ZFHX3: variants seen among roughly 807,000 people sequenced by gnomAD.
The protein encoded by ZFHX3 is zinc finger homeobox protein 3.
Under a neutral mutation model 279.1 loss-of-function variants are expected in ZFHX3, and 42 were observed. The observed-to-expected ratio is 0.15, with a 90% CI of 0.12 to 0.19. The LOEUF (loss-of-function observed/expected upper bound fraction) is 0.19, where lower values mean the gene tolerates loss of function less well. ZFHX3 is among the 10% of genes least tolerant of loss of function. ZFHX3 has a pLI of 1.00. For synonymous variants in ZFHX3, 2,293 were observed against 1,957.8 expected (o/e 1.17, Z -4.52); for missense variants, 4,981 against 4,754.0 (o/e 1.05, Z -1.40).
chr16:73,532,901 C>T (rs1597372118), intron 2 of ZFHX3, among the ~76,000 whole-genome samples: 1 of 152,270 alleles, frequency 6.6e-6, no homozygotes, highest in South Asian at 2.1e-4. Context: ...AGCACTCATT[C>T]TCTCTCCTGC....
chr16:73,171,208 G>A (rs534475309), intron 5 of ZFHX3, among the ~76,000 whole-genome samples: 3 of 152,028 alleles, frequency 2.0e-5, no homozygotes, highest in Admixed American at 6.6e-5. Flanking sequence ...AGATAGAGTA[G>A]CCATATAATT....
chr16:72,871,965 G>C (rs1470975028), intron 4 of ZFHX3, among the ~76,000 whole-genome samples: 2 of 151,928 alleles, frequency 1.3e-5, no homozygotes, highest in Non-Finnish European at 2.9e-5. Flanking sequence ...GGCGCCTGTA[G>C]TCCCAGCTAC....
At chr16:72,989,428 G>A (rs1962985427) in intron 1 of ZFHX3, among the ~76,000 whole-genome samples, 1 of 151,524 alleles carries the variant, frequency 6.6e-6, no homozygotes, top group East Asian at 1.9e-4. Context: ...GTTGCAGTGG[G>A]CCAAGATTGT....
rs180846248 is a variant in ZFHX3 at position 73,497,423 on chromosome 16, C to T, written c.-1546-41165G>A. Among the ~76,000 whole-genome samples the T allele has an allele frequency of 3.3e-5, 5 of 152,338 alleles. No homozygotes were observed. In the East Asian group the frequency reaches 5.8e-4, roughly 18 times the overall value. ...GTGGCTCACGCCTGTAATCCCAGCA[C>T]TTTGGGAGGATGAGGCAAGAGGACT... On this transcript the variant is annotated intron_variant, in intron 2 of 17. Transcript: ENST00000641206.
At chr16:73,074,067 T>C (rs1316852130) in intron 8 of ZFHX3, among the ~76,000 whole-genome samples, 1 of 152,214 alleles carries the variant, frequency 6.6e-6, no homozygotes, top group East Asian at 1.9e-4. Context: ...TTTGTCAAAC[T>C]AAACTCCAAG....
intron 2 of ZFHX3, among the ~76,000 whole-genome samples, chr16:73,617,706 A>AT (rs2052318884): frequency 7.4e-6 from 1 of 134,534 alleles, no homozygotes; most frequent in African/African-American, 3.3e-5. Flanking sequence ...CACTGAGGAA[A>AT]CCTTGATAGG....
chr16:73,025,662 CCT>C (rs955780121), intron 1 of ZFHX3, among the ~76,000 whole-genome samples: 18 of 152,116 alleles, frequency 1.2e-4, no homozygotes, highest in South Asian at 8.3e-4. Flanking sequence ...CATCTGGCCC[CCT>C]GACACCCCAG....
At chr16:73,511,231 A>C (rs2019422905) in intron 2 of ZFHX3, among the ~76,000 whole-genome samples, 1 of 152,148 alleles carries the variant, frequency 6.6e-6, no homozygotes, top group Admixed American at 6.5e-5. Context: ...AGTACTATTC[A>C]CTCATAGCAG....
In ZFHX3 at chr16:73,698,336, G is replaced by A. The variant is rs577985652; in HGVS notation, c.-1607-18096C>T. On this transcript the variant is annotated intron_variant, in intron 1 of 17. Coordinates refer to the ZFHX3 transcript ENST00000641206. ...ATTACTTAATGTGGAAGAAATAAGAGAAATAGAAAATTACCATTAGAACAC... is the reference window on the plus strand; with the variant it reads ...ATTACTTAATGTGGAAGAAATAAGAAAAATAGAAAATTACCATTAGAACAC... Among the ~76,000 whole-genome samples the A allele has an allele frequency of 7.8e-4, 119 of 152,232 alleles. 1 individual carries two copies. Among genetic ancestry groups the A allele is most frequent in the African/African-American group, 2.7e-3 (111 of 41,556 alleles).
intron 3 of ZFHX3, among the ~76,000 whole-genome samples, chr16:72,919,809 T>TTTTTTTG (rs2039537477): frequency 8.3e-6 from 1 of 120,420 alleles, no homozygotes; most frequent in Non-Finnish European, 1.7e-5. Flanking sequence ...TTTTTTTTTT[T>TTTTTTTG]GAGACAGAGT....
intron 1 of ZFHX3, among the ~76,000 whole-genome samples, chr16:73,689,457 C>T (rs527395581): frequency 6.6e-6 from 1 of 152,322 alleles, no homozygotes; most frequent in South Asian, 2.1e-4. Flanking sequence ...TTTTCTGATC[C>T]AGCAAGTGAA....
At chr16:73,066,808 C>T (rs1965761213) in intron 8 of ZFHX3, among the ~76,000 whole-genome samples, 1 of 152,206 alleles carries the variant, frequency 6.6e-6, no homozygotes, top group Admixed American at 6.5e-5. Context: ...TGGTGGTTCC[C>T]TTCTCTTTCC....
chr16:73,261,271 G>A (rs1172577658), intron 4 of ZFHX3, among the ~76,000 whole-genome samples: 1 of 152,080 alleles, frequency 6.6e-6, no homozygotes. Context: ...GTTACCATTT[G>A]TGCACTACTA....
chr16:73,430,856 T>G (rs1482455481), intron 3 of ZFHX3, among the ~76,000 whole-genome samples: 2 of 152,164 alleles, frequency 1.3e-5, no homozygotes, highest in East Asian at 3.9e-4. Context: ...AAAAAGTCCC[T>G]CAAAGGAAGG....
chr16:73,227,039 G>C (rs922400475), intron 5 of ZFHX3, among the ~76,000 whole-genome samples: 3 of 152,174 alleles, frequency 2.0e-5, no homozygotes, highest in Non-Finnish European at 4.4e-5. Context: ...AATGATTCGT[G>C]AGTACTGAAT....
At chr16:73,437,730 G>A (rs2018020691) in intron 3 of ZFHX3, among the ~76,000 whole-genome samples, 1 of 152,054 alleles carries the variant, frequency 6.6e-6, no homozygotes, top group African/African-American at 2.4e-5. Flanking sequence ...ACAAGTCTAT[G>A]TTTACTAGTA....
chr16:73,846,654 C>T (rs1430385952), intron 1 of ZFHX3, among the ~76,000 whole-genome samples: 1 of 152,136 alleles, frequency 6.6e-6, no homozygotes, highest in African/African-American at 2.4e-5. Context: ...TGTCTCGGCG[C>T]CCCCTTGCTA....
chr16:73,379,758 T>C (rs1355665336), intron 3 of ZFHX3, among the ~76,000 whole-genome samples: 1 of 152,158 alleles, frequency 6.6e-6, no homozygotes, highest in Non-Finnish European at 1.5e-5. Context: ...TGGAGTCTTA[T>C]TTGGGGTCCA....
chr16:73,502,108 G>T (rs1007207798), intron 2 of ZFHX3, among the ~76,000 whole-genome samples: 1 of 151,868 alleles, frequency 6.6e-6, no homozygotes, highest in African/African-American at 2.4e-5. Context: ...CTAATCGGGG[G>T]TGGGGGAAAA....
Sources: gnomAD v4.1 joint callset for allele counts (sites outside exome capture counted in the v4.1 genomes callset) on GRCh38, gnomAD v4.1.1 for gene constraint, MANE v1.5 for transcripts, NCBI Gene and HGNC (gene_info 2026-07-23, HGNC 2026-07-21) for gene names.